BICD1: variants seen among roughly 807,000 people sequenced by gnomAD.
BICD1 encodes protein bicaudal D homolog 1.
Under a neutral mutation model 92.5 loss-of-function variants are expected in BICD1, and 35 were observed. The ratio of observed to expected loss-of-function variants is 0.38; its 90% CI spans 0.29 to 0.50. The LOEUF is 0.50. BICD1 is among the 20% of genes least tolerant of loss of function. BICD1 has a pLI of 0.93. For synonymous variants in BICD1, 429 were observed against 465.1 expected, an observed-to-expected ratio of 0.92 and a Z score of 1.00; for missense variants, 950 against 1,189.8, an observed-to-expected ratio of 0.80 and a Z score of 2.97.
rs56382132 is a variant in BICD1, at chr12:32,298,569, C to CA, written c.579+4440dup. 1.2e-3 allele frequency among the ~76,000 whole-genome samples: 93 copies of CA among 77,808 alleles called. 4 individuals are homozygous for CA. The highest frequency in any genetic ancestry group is 0.024 in the Middle Eastern group (2 of 84). The allele number at this position is 77,808 out of a possible 152,430, so 51.0% of individuals were successfully genotyped here. A position where few individuals can be genotyped will look rare whatever the true frequency, so the allele number is the denominator to read the frequency against. On this transcript the variant is annotated intron_variant, in intron 3 of 9. Transcript: ENST00000652176. ...GACACAGTGAGACTCCGATCCACCT[C>CA]AAAAAAAAAAAAAAAAAGAGGCTGG...
intron 1 of BICD1, among the ~76,000 whole-genome samples, chr12:32,164,969 CCTGACA>C (rs1376233340): frequency 1.3e-5 from 2 of 152,148 alleles, no homozygotes; most frequent in Admixed American, 1.3e-4. Context: ...CATGCCCGTG[CCTGACA>C]CTGCCCTAAT....
intron 4 of BICD1, among the ~76,000 whole-genome samples, chr12:32,320,687 TAAAA>T (rs369766130): frequency 1.3e-5 from 2 of 150,988 alleles, no homozygotes; most frequent in Non-Finnish European, 3.0e-5. Context: ...CTCAGTGAAA[TAAAA>T]AAAAATTCTA....
intron 1 of BICD1, among the ~76,000 whole-genome samples, chr12:32,133,140 T>C (rs994868529): frequency 6.6e-6 from 1 of 152,144 alleles, no homozygotes; most frequent in Non-Finnish European, 1.5e-5. Flanking sequence ...TTATTTGAAT[T>C]TGAAAATTCT....
chr12:32,310,901 C>G (rs1437790492), intron 4 of BICD1, among the ~76,000 whole-genome samples: 2 of 152,108 alleles, frequency 1.3e-5, no homozygotes, highest in African/African-American at 4.8e-5. Flanking sequence ...AAACAGTATA[C>G]CTAGTCCATA....
At chr12:32,194,458 A>G (rs1944667087) in intron 1 of BICD1, among the ~76,000 whole-genome samples, 1 of 152,234 alleles carries the variant, frequency 6.6e-6, no homozygotes, top group South Asian at 2.1e-4. Flanking sequence ...AAGATTCCAC[A>G]GTTAGAACTA....
intron 1 of BICD1, among the ~76,000 whole-genome samples, chr12:32,149,005 G>C (rs1484684599): frequency 9.0e-6 from 1 of 111,224 alleles, no homozygotes; most frequent in Non-Finnish European, 1.8e-5. Flanking sequence ...GGGTGACGAA[G>C]TGAGGCTCTG....
chr12:32,294,495 C>A (rs1398138739), intron 3 of BICD1, among the ~76,000 whole-genome samples: 1 of 151,908 alleles, frequency 6.6e-6, no homozygotes, highest in Non-Finnish European at 1.5e-5. Context: ...GTGGTGTGTT[C>A]CTGTAATCCC....
intron 9 of BICD1, among the ~76,000 whole-genome samples, chr12:32,370,469 C>T (rs1592729216): frequency 9.2e-6 from 1 of 108,552 alleles, no homozygotes; most frequent in East Asian, 4.3e-4. Flanking sequence ...CGGTTAAGAA[C>T]AGGGCTCTTC....
intron 3 of BICD1, among the ~76,000 whole-genome samples, chr12:32,296,664 C>T (rs1013659797): frequency 6.6e-6 from 1 of 152,068 alleles, no homozygotes; most frequent in African/African-American, 2.4e-5. Flanking sequence ...CCCTTCCTTC[C>T]CGATTCCTAC....
At chr12:32,123,842 A>C (rs1248463943) in intron 1 of BICD1, among the ~76,000 whole-genome samples, 1 of 151,634 alleles carries the variant, frequency 6.6e-6, no homozygotes, top group African/African-American at 2.4e-5. Flanking sequence ...GCGCCACTGC[A>C]CTCCATCCTG....
chr12:32,113,272 A>T (rs1276595895), intron 1 of BICD1, among the ~76,000 whole-genome samples: 2 of 152,116 alleles, frequency 1.3e-5, no homozygotes, highest in African/African-American at 4.8e-5. Flanking sequence ...AGTGAGGAAG[A>T]CAGTGGAGCT....
chr12:32,126,554 C>T (rs371346497), intron 1 of BICD1, among the ~76,000 whole-genome samples: 3 of 151,806 alleles, frequency 2.0e-5, no homozygotes, highest in Non-Finnish European at 2.9e-5. Context: ...ACCAGGAGTT[C>T]GAGATCAGCC....
intron 8 of BICD1, among the ~76,000 whole-genome samples, chr12:32,361,777 C>T (rs1403046386): frequency 2.2e-4 from 34 of 152,068 alleles, no homozygotes; most frequent in Admixed American, 2.0e-3. Flanking sequence ...TGGAGTCAAG[C>T]GATGCTACAG....
At chr12:32,238,706 A>T (rs1056123515) in intron 2 of BICD1, among the ~76,000 whole-genome samples, 1 of 152,114 alleles carries the variant, frequency 6.6e-6, no homozygotes, top group African/African-American at 2.4e-5. Context: ...GCACTTTGGG[A>T]GGCCAAGGTG....
intron 2 of BICD1, among the ~76,000 whole-genome samples, chr12:32,253,997 A>T (rs1320353434): frequency 6.7e-6 from 1 of 148,442 alleles, no homozygotes; most frequent in Non-Finnish European, 1.5e-5. Context: ...CACCTGCCAC[A>T]TTCATTGCGG....
At chr12:32,349,368 AAGAAAACAT>A (rs1938768255) in intron 8 of BICD1, among the ~76,000 whole-genome samples, 1 of 152,194 alleles carries the variant, frequency 6.6e-6, no homozygotes, top group South Asian at 2.1e-4. Context: ...AAAGAATACT[AAGAAAACAT>A]ATTATGAGAA....
chr12:32,344,870 T>A (rs1938510078), intron 8 of BICD1, among the ~76,000 whole-genome samples: 1 of 152,216 alleles, frequency 6.6e-6, no homozygotes, highest in Non-Finnish European at 1.5e-5. Flanking sequence ...GGGCAGTCTG[T>A]TGAAACCTGT....
chr12:32,189,411 T>C (rs911199877), intron 1 of BICD1, among the ~76,000 whole-genome samples: 1 of 152,170 alleles, frequency 6.6e-6, no homozygotes, highest in African/African-American at 2.4e-5. Flanking sequence ...CTACTCCCTA[T>C]CCTTGCCCTG....
At position 32,266,373 on chromosome 12, in the gene BICD1, G is replaced by A. The variant is rs115720610; in HGVS notation, c.427-27621G>A. 9.1e-3 allele frequency among the ~76,000 whole-genome samples: 1,390 copies of A among 152,152 alleles called. 27 individuals carry two copies. Among genetic ancestry groups the A allele is most frequent in the African/African-American group, 0.032 (1,313 of 41,496 alleles). ...CAGGGGCTTTCCTTTTCAATATAGC[G>A]ACTATCAGTAATAGTGCTGGAAATA... On this transcript the variant is annotated intron_variant, in intron 2 of 9. Coordinates refer to ENST00000652176, the MANE Select transcript of BICD1 (RefSeq NM_001714.4).
Sources: allele counts gnomAD v4.1 joint callset (sites outside exome capture counted in the v4.1 genomes callset), GRCh38; gene constraint gnomAD v4.1.1; transcripts MANE v1.5; gene names NCBI Gene and HGNC (gene_info 2026-07-23, HGNC 2026-07-21).